Variants in OR52N1 observed in about 807,000 individuals in gnomAD.
The protein encoded by OR52N1 is olfactory receptor 52N1.
OR52N1 carries 11 observed loss-of-function variants against 13.9 expected under a neutral mutation model. The ratio of observed to expected loss-of-function variants is 0.79; its 90% confidence interval spans 0.50 to 1.31. The LOEUF (loss-of-function observed/expected upper bound fraction) is 1.31, where lower values mean the gene tolerates loss of function less well. Ranked by LOEUF, OR52N1 falls within the 40% of genes most tolerant of loss-of-function variation. The probability of loss-of-function intolerance (pLI) is 0.00; values close to 1 mark genes in which losing one functional copy is unlikely to be tolerated. For synonymous variants in OR52N1, 142 were observed against 143.7 expected (o/e 0.99, Z 0.08); for missense variants, 414 against 397.7 (o/e 1.04, Z -0.35).
chr11:5,789,238 C>T (rs1854631357), intron 1 of OR52N1, among the ~76,000 whole-genome samples: 1 of 152,138 alleles, frequency 6.6e-6, no homozygotes, highest in Non-Finnish European at 1.5e-5. Context: ...TCATTAGTTC[C>T]TGTGGGCTTA....
Position 5,787,952 on chromosome 11 carries a change from T to C in OR52N1, c.865A>G (p.Thr289Ala), listed in dbSNP as rs1307407918. 7.0e-7 allele frequency: 1 copy of C among 1,429,866 alleles called. No homozygotes were observed. Among genetic ancestry groups the C allele is most frequent in the Non-Finnish European group, 9.4e-7 (1 of 1,065,520 alleles). 88.6% of individuals were successfully genotyped at this position (1,429,866 alleles called of 1,614,324 possible). The change falls in exon 2 of 2, where the codon ACA (threonine) becomes GCA (alanine). Residue 289 changes from threonine (T) to alanine (A), a missense_variant. Transcript: ENST00000641645. ...MANLYLLMPP[T>A]MNPIVYGVKT... ...ACCCCATACACAATAGGGTTCATTG[T>C]GGGAGGCATTAGTAGGTAGAGATTA...
At chr11:5,790,115 T>C (rs1854639949) in intron 1 of OR52N1, among the ~76,000 whole-genome samples, 1 of 152,102 alleles carries the variant, frequency 6.6e-6, no homozygotes, top group Non-Finnish European at 1.5e-5. Flanking sequence ...TTATAGTTCC[T>C]CCTTGACATA....
rs562625605 is a variant in OR52N1, at chr11:5,790,495, A to G, written c.-45+616T>C. ...ACTTCCTGCAAAGATTGTTTCAGTA[A>G]TTGAAATGTGAATATTTTATCCAAA... On this transcript the variant is annotated intron_variant, in intron 1 of 1. Coordinates refer to ENST00000641645, the MANE Select transcript of OR52N1 (RefSeq NM_001001913.2). Among the ~76,000 whole-genome samples the G allele has an allele frequency of 5.0e-4, 76 of 152,110 alleles. 2 individuals carry two copies. Among genetic ancestry groups the G allele is most frequent in the South Asian group, 1.0e-3 (5 of 4,832 alleles).
rs768764933 is a variant in OR52N1, at chr11:5,788,082, G to A, written c.735C>T (p.Ala245=). Residue 245 remains alanine, a synonymous_variant, in exon 2 of 2, where the codon GCC becomes GCT. Transcript: ENST00000641645. ...AGGTGAGGACTATGGCACAGAAGTG[G>A]GCAGTGCAGGTGCTGAAGGCCTTCT... ...ARQKAFSTCT[A]HFCAIVLTYV... 2 of 1,613,660 alleles carry A rather than the reference G, an allele frequency of 1.2e-6. No homozygotes were observed. Among genetic ancestry groups the A allele is most frequent in the Non-Finnish European group, 1.7e-6 (2 of 1,179,794 alleles).
intron 1 of OR52N1, 56 bp from the exon 2 acceptor site, chr11:5,788,916 T>C: frequency 7.7e-7 from 1 of 1,291,686 alleles, no homozygotes; most frequent in Non-Finnish European, 1.1e-6. Flanking sequence ...ACCATCAGTC[T>C]TCTTTCCCAT....
In OR52N1 at chr11:5,788,665, A is replaced by C. The variant is rs1000706209; in HGVS notation, c.152T>G (p.Ile51Ser). The C allele has an allele frequency of 6.2e-7, 1 of 1,613,916 alleles. No homozygotes were observed. Among genetic ancestry groups the C allele is most frequent in the African/African-American group, 1.3e-5 (1 of 74,920 alleles). ...TCTGTGTAAGGCCTCATCACAGTAG[A>C]TGAGGTACATAAGGCCGAAGTTCCC... ...ITGNFGLMYL[I>S]YCDEALHRPM... The change falls in exon 2 of 2, where the codon ATC becomes AGC. Residue 51 changes from isoleucine (I) to serine (S), a missense_variant. Physicochemically the swap from Ile to Ser is moderately radical, Grantham distance 142. Transcript: ENST00000641645.
Position 5,788,111 on chromosome 11 carries a change from G to A in OR52N1, c.706C>T (p.Arg236Ter), listed in dbSNP as rs548980477. The stretch of plus-strand genomic sequence containing the variant: ...GTGCAGGTGCTGAAGGCCTTCTGTC[G>A]AGCATCTGCTGATGATAGACTCACA... ...AVVSLSSADA[R>*]QKAFSTCTAH... The change falls in exon 2 of 2, where the codon CGA becomes TGA. Residue 236 changes from arginine (R) to a stop codon, truncating the protein, a stop_gained. Transcript: ENST00000641645. LOFTEE classifies it high-confidence loss of function. The A allele has an allele frequency of 9.9e-6, 16 of 1,613,976 alleles. No homozygotes were observed. In the Middle Eastern group the frequency reaches 6.6e-4, roughly 67 times the overall value.
rs375667501 is a variant in OR52N1 at position 5,788,544 on chromosome 11, G to A, written c.273C>T (p.Leu91=). 24 of 1,613,814 alleles carry A rather than the reference G, an allele frequency of 1.5e-5. No homozygotes were observed. Among genetic ancestry groups the A allele is most frequent in the Non-Finnish European group, 1.8e-5 (21 of 1,179,914 alleles). Residue 91 remains leucine, a synonymous_variant, in exon 2 of 2, where the codon CTC becomes CTT. Transcript: ENST00000641645. ...GGCAGGCTTTAAAATCAATCTCCTT[G>A]AGATTAAACCACAATATGAAGAGAG... ...PNTLFILWFN[L]KEIDFKACLA...
intron 1 of OR52N1, among the ~76,000 whole-genome samples, chr11:5,790,316 CAT>C (rs1564966134): frequency 6.6e-6 from 1 of 151,980 alleles, no homozygotes; most frequent in Non-Finnish European, 1.5e-5. Flanking sequence ...ACATTACTAT[CAT>C]GTGAAATAGA....
Position 5,791,138 on chromosome 11 carries a change from A to C in OR52N1, c.-72T>G, listed in dbSNP as rs1854656143. ...TGAAAACTACCGGAGTTCCTCAAGA[A>C]ACTGAAGACCTATCCATGGATCAAG... On this transcript the variant is annotated 5_prime_UTR_variant, in exon 1 of 2. Transcript: ENST00000641645. 6.6e-6 allele frequency: 1 copy of C among 152,056 alleles called. No individual in the cohort carries two copies. Among genetic ancestry groups the C allele is most frequent in the South Asian group, 2.1e-4 (1 of 4,834 alleles). The allele number at this position is 152,056 out of a possible 1,614,324, so 9.4% of individuals were successfully genotyped here.
Position 5,788,847 on chromosome 11 carries a change from T to C in OR52N1, c.-31A>G. Reference sequence around the variant, plus strand: ...CTGTTGGAAGTTCATTGTATAGCAGTTATAGCATTGCCTCTGTGAGCAGGA... The same window carrying C: ...CTGTTGGAAGTTCATTGTATAGCAGCTATAGCATTGCCTCTGTGAGCAGGA... On this transcript the variant is annotated 5_prime_UTR_variant, in exon 2 of 2. The change abolishes the stop of an existing upstream ORF in the 5' untranslated region. Transcript: ENST00000641645. The C allele has an allele frequency of 6.5e-7, 1 of 1,549,788 alleles. No individual in the cohort carries two copies. The highest frequency in any genetic ancestry group is 8.7e-7 in the Non-Finnish European group (1 of 1,154,572).
rs1372138677 is a variant in OR52N1 at position 5,787,250 on chromosome 11, T to C, written c.*604A>G. On this transcript the variant is annotated 3_prime_UTR_variant, in exon 2 of 2. Coordinates refer to ENST00000641645, the MANE Select transcript of OR52N1 (RefSeq NM_001001913.2). The stretch of plus-strand genomic sequence containing the variant: ...TTTATCTCTTTCACCTAATACTATA[T>C]TTGAATAGACCACAATTATTTATTT... 1 of 140,900 alleles carries C rather than the reference T, an allele frequency of 7.1e-6. No homozygotes were observed. Among genetic ancestry groups the C allele is most frequent in the African/African-American group, 2.6e-5 (1 of 38,376 alleles). 8.7% of individuals were successfully genotyped at this position (140,900 alleles called of 1,614,324 possible).
rs1281303598 is a variant in OR52N1 at position 5,787,916 on chromosome 11, G to T, written c.901C>A (p.Gln301Lys). The change falls in exon 2 of 2, where the codon CAG becomes AAG. Residue 301 changes from glutamine to lysine, a missense_variant. Gln to Lys is a moderately conservative substitution (Grantham distance 53). Transcript: ENST00000641645. ...NPIVYGVKTR[Q>K]VRESVIRFFL... ...AACCTAATGACACTTTCTCGTACCT[G>T]CCTGGTTTTCACCCCATACACAATA... The T allele has an allele frequency of 1.3e-6, 2 of 1,515,428 alleles. No individual in the cohort carries two copies. The highest frequency in any genetic ancestry group is 1.4e-5 in the African/African-American group (1 of 70,090). The allele number at this position is 1,515,428 out of a possible 1,614,324, so 93.9% of individuals were successfully genotyped here.
chr11:5,786,866 C>T lies in OR52N1; in HGVS notation c.*988G>A, dbSNP rs1232297590. ...TATTTATGCTAAAGTTAACATACTT[C>T]TGAAAGAAAAGAAAGTATATATACT... On this transcript the variant is annotated 3_prime_UTR_variant, in exon 2 of 2. Coordinates refer to ENST00000641645, the MANE Select transcript of OR52N1 (RefSeq NM_001001913.2). 1 of 138,824 alleles carries T rather than the reference C, an allele frequency of 7.2e-6. No individual in the cohort carries two copies. The highest frequency in any genetic ancestry group is 1.6e-5 in the Non-Finnish European group (1 of 63,250). 8.6% of individuals were successfully genotyped at this position (138,824 alleles called of 1,614,324 possible).
intron 1 of OR52N1, among the ~76,000 whole-genome samples, chr11:5,790,900 G>A (rs1245626403): frequency 6.6e-6 from 1 of 151,936 alleles, no homozygotes; most frequent in Non-Finnish European, 1.5e-5. Flanking sequence ...TGTTTACTCT[G>A]TTGATAGTTT....
intron 1 of OR52N1, among the ~76,000 whole-genome samples, chr11:5,789,869 G>A (rs941374328): frequency 6.6e-6 from 1 of 152,094 alleles, no homozygotes; most frequent in Non-Finnish European, 1.5e-5. Context: ...TAGTAAGGGA[G>A]AGAATATTTG....
chr11:5,789,647 T>C (rs1006212011), intron 1 of OR52N1, among the ~76,000 whole-genome samples: 2 of 152,120 alleles, frequency 1.3e-5, no homozygotes, highest in African/African-American at 4.8e-5. Flanking sequence ...CTTTAGAACA[T>C]AGTGCTTTAT....
intron 1 of OR52N1, among the ~76,000 whole-genome samples, chr11:5,790,794 T>G (rs1033939922): frequency 3.9e-5 from 6 of 152,108 alleles, no homozygotes; most frequent in Non-Finnish European, 7.4e-5. Context: ...AATAGGTTGT[T>G]TTTTTCTTCT....
In OR52N1 at chr11:5,790,703, T is replaced by A. The variant is rs184390278; in HGVS notation, c.-45+408A>T. On this transcript the variant is annotated intron_variant, in intron 1 of 1. Coordinates refer to ENST00000641645, the MANE Select transcript of OR52N1 (RefSeq NM_001001913.2). Reference sequence around the variant, plus strand: ...TGCTCACCCTAATGATCAGTGATGTTGAGCTTTTTCTCATATGATTGTTGG... The same window carrying A: ...TGCTCACCCTAATGATCAGTGATGTAGAGCTTTTTCTCATATGATTGTTGG... Among the ~76,000 whole-genome samples, 695 of 152,240 alleles carry A rather than the reference T, an allele frequency of 4.6e-3. 2 individuals carry two copies. Among genetic ancestry groups the A allele is most frequent in the Non-Finnish European group, 7.5e-3 (509 of 67,976 alleles).
Sources: gnomAD v4.1 joint callset for allele counts (sites outside exome capture counted in the v4.1 genomes callset) on GRCh38, gnomAD v4.1.1 for gene constraint, MANE v1.5 for transcripts, NCBI Gene and HGNC (gene_info 2026-07-23, HGNC 2026-07-21) for gene names.